Variants in STAT5A observed in about 807,000 individuals in gnomAD.
STAT5A encodes the protein signal transducer and activator of transcription 5A.
STAT5A carries 26 observed loss-of-function variants against 100.2 expected under a neutral mutation model. The ratio of observed to expected loss-of-function variants is 0.26; its 90% CI spans 0.19 to 0.36. The LOEUF (loss-of-function observed/expected upper bound fraction) is 0.36. Ranked by LOEUF, STAT5A falls within the 10% of genes least tolerant of loss-of-function variation. STAT5A has a pLI of 1.00. For missense variants in STAT5A, 634 were observed against 1,027.5 expected (o/e 0.62, Z 5.24); for synonymous variants, 330 against 424.3 (o/e 0.78, Z 2.73).
chr17:42,294,160 G>A (rs1297807868), intron 4 of STAT5A, among the ~76,000 whole-genome samples: 1 of 151,680 alleles, frequency 6.6e-6, no homozygotes, highest in African/African-American at 2.4e-5. Flanking sequence ...ATGTTGCAGT[G>A]AGCTGAGATT....
rs778505142 is a variant in STAT5A at position 42,301,331 on chromosome 17, C to T, written c.1046C>T (p.Ala349Val). 1.2e-6 allele frequency: 2 copies of T among 1,614,200 alleles called. No homozygotes were observed. The highest frequency in any genetic ancestry group is 3.3e-5 in the Admixed American group (2 of 60,018). Residue 349 changes from alanine to valine, a missense_variant, in exon 9 of 19, where the codon GCA (alanine) becomes GTA (valine). Around this residue, in one of 5 missense-constraint regions of STAT5A, gnomAD observed 98 missense variants for 149.7 expected, o/e 0.65. Coordinates refer to ENST00000590949, the MANE Select transcript of STAT5A (RefSeq NM_001288718.2). Reference protein sequence around the residue: ...PQVLKTQTKFAATVRLLVGGK... With the variant: ...PQVLKTQTKFVATVRLLVGGK... ...GTCCTGAAGACCCAGACCAAGTTTG[C>T]AGCCACCGTACGCCTGCTGGTGGGC...
rs1263313145 is a variant in STAT5A at position 42,308,438 on chromosome 17, A to T, written c.2062+105A>T. On this transcript the variant is annotated intron_variant, in intron 16 of 18. Transcript: ENST00000590949. The surrounding 1 kb of genome is among the most constrained non-coding windows in gnomAD (Gnocchi z 4.6). Reference sequence around the variant, plus strand: ...GTGGGGACTTCCCCAGGAGGAGCCTAGGGGCCATGTCCCCTGTGGGTTTTG... The same window carrying T: ...GTGGGGACTTCCCCAGGAGGAGCCTTGGGGCCATGTCCCCTGTGGGTTTTG... The T allele has an allele frequency of 6.6e-7, 1 of 1,523,624 alleles. No individual in the cohort carries two copies. Among genetic ancestry groups the T allele is most frequent in the East Asian group, 2.3e-5 (1 of 43,006 alleles). 94.4% of individuals were successfully genotyped at this position (1,523,624 alleles called of 1,614,324 possible). A position where few individuals can be genotyped will look rare whatever the true frequency, so the allele number is the denominator to read the frequency against.
intron 2 of STAT5A, 104 bp downstream of exon 2, chr17:42,289,643 G>C (rs936002361): frequency 2.0e-6 from 3 of 1,493,574 alleles, no homozygotes; most frequent in Non-Finnish European, 2.7e-6. Flanking sequence ...GGTCCTGCCT[G>C]TCCTTCTTTG....
In STAT5A at chr17:42,308,371, C is replaced by G. The variant is rs144829445; in HGVS notation, c.2062+38C>G. 23 of 1,613,414 alleles carry G rather than the reference C, an allele frequency of 1.4e-5. No homozygotes were observed. Among genetic ancestry groups the G allele is most frequent in the Non-Finnish European group, 1.7e-5 (20 of 1,179,886 alleles). On this transcript the variant is annotated intron_variant, in intron 16 of 18. Coordinates refer to ENST00000590949, the MANE Select transcript of STAT5A (RefSeq NM_001288718.2). The surrounding 1 kb of genome is among the most constrained non-coding windows in gnomAD (Gnocchi z 4.6). Reference sequence around the variant, plus strand: ...CCAGGACCCTGCCGGCTGACTCCCCCGGGCTCTTCCCCAGCCCATAGACAA... The same window carrying G: ...CCAGGACCCTGCCGGCTGACTCCCCGGGGCTCTTCCCCAGCCCATAGACAA...
At chr17:42,299,612 C>G in intron 5 of STAT5A, 139 bp from the exon 6 acceptor site, 1 of 1,416,600 alleles carries the variant, frequency 7.1e-7, no homozygotes, top group Non-Finnish European at 9.5e-7. Context: ...GCCCCCCTGG[C>G]TGTCAGGAAC....
intron 5 of STAT5A, 47 bp from the exon 6 acceptor site, chr17:42,299,704 T>G (rs749026981): frequency 3.2e-5 from 52 of 1,613,644 alleles, no homozygotes; most frequent in Non-Finnish European, 1.3e-5. Context: ...AGGCCTCCTG[T>G]TGGACACTAG....
intron 5 of STAT5A, 98 bp downstream of exon 5, chr17:42,295,891 A>C: frequency 6.5e-7 from 1 of 1,533,240 alleles, no homozygotes; most frequent in South Asian, 1.2e-5. Flanking sequence ...CCATCTCCTC[A>C]GCACTTTGCC....
chr17:42,307,846 G>C, intron 15 of STAT5A, 123 bp downstream of exon 15: 1 of 1,374,830 alleles, frequency 7.3e-7, no homozygotes, highest in Non-Finnish European at 9.9e-7. Context: ...CTTAGTATGA[G>C]AGGGCTGTGG....
At chr17:42,305,518 T>A in intron 11 of STAT5A, 92 bp from the exon 12 acceptor site, 3 of 1,028,642 alleles carry the variant, frequency 2.9e-6, no homozygotes, top group Non-Finnish European at 2.9e-6. Context: ...AAAAAATACA[T>A]AAAAAAAAAT....
intron 1 of STAT5A, 116 bp from the exon 2 acceptor site, chr17:42,289,286 G>C: frequency 8.5e-7 from 1 of 1,182,588 alleles, no homozygotes; most frequent in Non-Finnish European, 1.1e-6. Flanking sequence ...ATCTGTGGGA[G>C]GGGAGGGGCC....
intron 13 of STAT5A, 73 bp from the exon 14 acceptor site, chr17:42,307,329 G>C (rs2081038384): frequency 6.7e-7 from 1 of 1,489,784 alleles, no homozygotes. Context: ...GTGGGGGCAG[G>C]AGGGCCCTGA....
At chr17:42,298,541 G>A (rs1469684429) in intron 5 of STAT5A, among the ~76,000 whole-genome samples, 5 of 147,604 alleles carry the variant, frequency 3.4e-5, no homozygotes, top group South Asian at 2.1e-4. Context: ...GCCCAATCTC[G>A]GCTCACTGCA....
chr17:42,307,099 A>G (rs1191576492), intron 13 of STAT5A, among the ~76,000 whole-genome samples: 1 of 152,170 alleles, frequency 6.6e-6, no homozygotes, highest in Non-Finnish European at 1.5e-5. Context: ...CCCCACCTGT[A>G]AAATGAGGGG....
rs2081061022 is a variant in STAT5A, at chr17:42,309,560, C to T, written c.2222+76C>T. 9 of 1,471,054 alleles carry T rather than the reference C, an allele frequency of 6.1e-6. No individual in the cohort carries two copies. In the South Asian group the frequency reaches 7.4e-5, roughly 12 times the overall value. The allele number at this position is 1,471,054 out of a possible 1,614,324, so 91.1% of individuals were successfully genotyped here. A position where few individuals can be genotyped will look rare whatever the true frequency, so the allele number is the denominator to read the frequency against. On this transcript the variant is annotated intron_variant, in intron 18 of 18. Coordinates refer to ENST00000590949, the MANE Select transcript of STAT5A (RefSeq NM_001288718.2). Reference sequence around the variant, plus strand: ...CCAGGCTGGACTCCTGGAGGGCTGGCGGGCAAAGGATCCAGAGCTCTGGTT... The same window carrying T: ...CCAGGCTGGACTCCTGGAGGGCTGGTGGGCAAAGGATCCAGAGCTCTGGTT...
At chr17:42,303,300 C>T (rs916776356) in intron 9 of STAT5A, among the ~76,000 whole-genome samples, 22 of 152,162 alleles carry the variant, frequency 1.4e-4, no homozygotes, top group African/African-American at 5.1e-4. Context: ...AAGATGAAGA[C>T]AAATGACCTT....
In STAT5A at chr17:42,310,582, A is replaced by T. The variant is rs985360712; in HGVS notation, c.2298A>T (p.Glu766Asp). ...TGGATGTGGCCAGGCACGTGGAGGA[A>T]CTCTTACGCCGACCAATGGACAGTC... is the stretch of plus-strand genomic sequence containing the variant. Reference protein sequence around the residue: ...ETMDVARHVEELLRRPMDSLD... With the variant: ...ETMDVARHVEDLLRRPMDSLD... Residue 766 changes from glutamate (E) to aspartate (D), a missense_variant, in exon 19 of 19, where the codon GAA (glutamate) becomes GAT (aspartate). Physicochemically the swap from Glu to Asp is conservative, Grantham distance 45. Around this residue, in one of 5 missense-constraint regions of STAT5A, gnomAD observed 88 missense variants for 95.1 expected, o/e 0.92. Coordinates refer to ENST00000590949, the MANE Select transcript of STAT5A (RefSeq NM_001288718.2). 1.2e-6 allele frequency: 2 copies of T among 1,613,638 alleles called. No individual in the cohort carries two copies. The highest frequency in any genetic ancestry group is 8.5e-7 in the Non-Finnish European group (1 of 1,179,882).
rs75861485 is a variant in STAT5A, at chr17:42,296,290, C to T, written c.550+497C>T. Among the ~76,000 whole-genome samples, 267 of 152,240 alleles carry T rather than the reference C, an allele frequency of 1.8e-3. 3 individuals are homozygous for T. Among genetic ancestry groups the T allele is most frequent in the South Asian group, 0.016 (76 of 4,814 alleles). ...GAGAGGTGGAACTTCCAAAGTGGGC[C>T]TTCTTGAGCCTCACGGATAGGATGT... On this transcript the variant is annotated intron_variant, in intron 5 of 18. Coordinates refer to ENST00000590949, the MANE Select transcript of STAT5A (RefSeq NM_001288718.2).
At chr17:42,305,851 G>A in intron 12 of STAT5A, 149 bp downstream of exon 12, 2 of 827,034 alleles carry the variant, frequency 2.4e-6, no homozygotes, top group South Asian at 1.8e-5. Flanking sequence ...CTGGGGTGCT[G>A]GGCGCCTGCC....
In STAT5A at chr17:42,311,132, G is replaced by A. The variant is rs920558330; in HGVS notation, c.*463G>A. ...ACAGAGAGAGAGAAAGAGAGAGTGTGTGGGTCTATGTAAATGCATCTGTCC... is the reference window on the plus strand; with the variant it reads ...ACAGAGAGAGAGAAAGAGAGAGTGTATGGGTCTATGTAAATGCATCTGTCC... On this transcript the variant is annotated 3_prime_UTR_variant, in exon 19 of 19. Transcript: ENST00000590949. 5.0e-6 allele frequency: 1 copy of A among 199,536 alleles called. No individual in the cohort carries two copies. Among genetic ancestry groups the A allele is most frequent in the Non-Finnish European group, 1.1e-5 (1 of 94,264 alleles). 12.4% of individuals were successfully genotyped at this position (199,536 alleles called of 1,614,324 possible).
Sources: allele counts gnomAD v4.1 joint callset (sites outside exome capture counted in the v4.1 genomes callset), GRCh38; gene constraint gnomAD v4.1.1; regional missense constraint gnomAD v4.1.1; non-coding constraint Gnocchi (gnomAD v3.1); transcripts MANE v1.5; gene names NCBI Gene and HGNC (gene_info 2026-07-23, HGNC 2026-07-21).